Variants in CCSER1 observed in about 807,000 individuals in gnomAD.
CCSER1 encodes the protein serine-rich coiled-coil domain-containing protein 1.
A neutral mutation model predicts 82.0 loss-of-function variants in CCSER1; 41 were observed. The ratio of observed to expected loss-of-function variants is 0.50; its 90% CI spans 0.39 to 0.65. The LOEUF is 0.65. Ranked by LOEUF, CCSER1 falls within the 30% of genes least tolerant of loss-of-function variation. The pLI is 0.00. For synonymous variants in CCSER1, 414 were observed against 383.9 expected (o/e 1.08, Z -0.92); for missense variants, 1,119 against 1,064.2 (o/e 1.05, Z -0.72).
chr4:90,785,076 T>C (rs1754292473), intron 7 of CCSER1, among the ~76,000 whole-genome samples: 1 of 152,098 alleles, frequency 6.6e-6, no homozygotes, highest in African/African-American at 2.4e-5. Context: ...ATATTATTAT[T>C]TTTGAGATGG....
intron 4 of CCSER1, among the ~76,000 whole-genome samples, chr4:90,434,791 A>G (rs149391001): frequency 1.4e-3 from 219 of 152,268 alleles, no homozygotes; most frequent in African/African-American, 5.0e-3. Context: ...TTTGGTAAAG[A>G]TTTTCTATGT....
intron 10 of CCSER1, among the ~76,000 whole-genome samples, chr4:91,378,289 A>T (rs1043127599): frequency 1.3e-5 from 2 of 152,196 alleles, no homozygotes; most frequent in African/African-American, 4.8e-5. Context: ...CTGTGAAGAA[A>T]GTCAGTGGTA....
intron 8 of CCSER1, among the ~76,000 whole-genome samples, chr4:90,821,086 C>A (rs1759667245): frequency 6.6e-6 from 1 of 152,098 alleles, no homozygotes; most frequent in South Asian, 2.1e-4. Flanking sequence ...GATTTCTATT[C>A]CCCACCCACT....
chr4:90,939,746 C>T (rs973377582), intron 9 of CCSER1, among the ~76,000 whole-genome samples: 5 of 152,068 alleles, frequency 3.3e-5, no homozygotes, highest in South Asian at 2.1e-4. Flanking sequence ...TATTATGAAT[C>T]ATAAATGCTG....
intron 7 of CCSER1, among the ~76,000 whole-genome samples, chr4:90,797,201 T>G (rs1756157794): frequency 6.6e-6 from 1 of 152,186 alleles, no homozygotes; most frequent in Non-Finnish European, 1.5e-5. Flanking sequence ...GTTAGCTAGA[T>G]CTTATTGTTG....
At chr4:90,316,581 A>G (rs1018783717) in intron 3 of CCSER1, among the ~76,000 whole-genome samples, 1 of 152,200 alleles carries the variant, frequency 6.6e-6, no homozygotes, top group African/African-American at 2.4e-5. Flanking sequence ...ACAAAAGAGG[A>G]TATTCATACT....
chr4:90,543,376 C>T (rs1347637095), intron 5 of CCSER1, among the ~76,000 whole-genome samples: 13 of 151,946 alleles, frequency 8.6e-5, no homozygotes, highest in Admixed American at 8.5e-4. Flanking sequence ...GCAGGTGGGC[C>T]CTAAATCCTG....
At chr4:90,469,722 G>C (rs924650711) in intron 5 of CCSER1, among the ~76,000 whole-genome samples, 1 of 151,980 alleles carries the variant, frequency 6.6e-6, no homozygotes, top group Non-Finnish European at 1.5e-5. Context: ...GGTGACTTAT[G>C]GTTATATATT....
chr4:91,034,284 GCTAA>G (rs1326972440), intron 9 of CCSER1, among the ~76,000 whole-genome samples: 1 of 152,152 alleles, frequency 6.6e-6, no homozygotes, highest in Non-Finnish European at 1.5e-5. Context: ...GTCAGTTCAG[GCTAA>G]CTAAGTAAAT....
At chr4:90,456,879 C>T (rs1198457725) in intron 4 of CCSER1, among the ~76,000 whole-genome samples, 1 of 152,188 alleles carries the variant, frequency 6.6e-6, no homozygotes, top group Non-Finnish European at 1.5e-5. Context: ...TGTTGCTTTG[C>T]CAGCTAGAAA....
intron 10 of CCSER1, among the ~76,000 whole-genome samples, chr4:91,532,826 C>T (rs1191855559): frequency 1.3e-5 from 2 of 151,262 alleles, no homozygotes; most frequent in African/African-American, 4.9e-5. Context: ...GCCAAGATCA[C>T]ACCACTGCAC....
intron 3 of CCSER1, among the ~76,000 whole-genome samples, chr4:90,360,163 C>G (rs907804184): frequency 2.7e-5 from 4 of 148,740 alleles, no homozygotes; most frequent in Non-Finnish European, 6.0e-5. Flanking sequence ...GTGATCCGCC[C>G]GCCTCAGCCT....
intron 5 of CCSER1, among the ~76,000 whole-genome samples, chr4:90,534,830 G>T (rs985455245): frequency 6.6e-6 from 1 of 152,138 alleles, no homozygotes; most frequent in Non-Finnish European, 1.5e-5. Context: ...CACACACTTA[G>T]ATTTCTTCTC....
intron 10 of CCSER1, among the ~76,000 whole-genome samples, chr4:91,141,805 T>C: frequency 6.6e-6 from 1 of 152,322 alleles, no homozygotes; most frequent in East Asian, 1.9e-4. Flanking sequence ...TTGGCCCTTT[T>C]AATAAAAGCC....
intron 10 of CCSER1, among the ~76,000 whole-genome samples, chr4:91,523,050 C>A (rs886386958): frequency 5.9e-5 from 9 of 152,118 alleles, no homozygotes; most frequent in African/African-American, 1.9e-4. Context: ...TATGTTCCAT[C>A]AATATCTAGT....
At chr4:90,648,993 A>G (rs546702191) in intron 6 of CCSER1, among the ~76,000 whole-genome samples, 12 of 152,338 alleles carry the variant, frequency 7.9e-5, no homozygotes, top group African/African-American at 2.2e-4. Flanking sequence ...ACATTCATCT[A>G]TGTGCATGGC....
intron 3 of CCSER1, among the ~76,000 whole-genome samples, chr4:90,336,406 AACACTTAGG>A (rs1740404516): frequency 2.0e-5 from 3 of 152,196 alleles, no homozygotes; most frequent in Admixed American, 1.3e-4. Flanking sequence ...AATGAATAAA[AACACTTAGG>A]ACCAATTTGA....
chr4:90,560,471 G>T (rs1347204673), intron 5 of CCSER1, among the ~76,000 whole-genome samples: 1 of 152,098 alleles, frequency 6.6e-6, no homozygotes, highest in East Asian at 1.9e-4. Context: ...GATAAACCTT[G>T]ATGGGCTGCC....
At chr4:91,322,601 T>A (rs1746270974) in intron 10 of CCSER1, among the ~76,000 whole-genome samples, 2 of 56,628 alleles carry the variant, frequency 3.5e-5, no homozygotes, top group African/African-American at 3.6e-4. Context: ...AAAATTTGGT[T>A]AAATGAATGA....
Sources: gnomAD v4.1 joint callset for allele counts (sites outside exome capture counted in the v4.1 genomes callset) on GRCh38, gnomAD v4.1.1 for gene constraint, MANE v1.5 for transcripts, NCBI Gene and HGNC (gene_info 2026-07-23, HGNC 2026-07-21) for gene names.